Variants in NSUN4 observed in about 807,000 individuals in gnomAD.
NSUN4 encodes the protein 5-cytosine rRNA methyltransferase NSUN4.
NSUN4 carries 31 observed loss-of-function variants against 43.8 expected under a neutral mutation model. The observed-to-expected ratio is 0.71, with a 90% confidence interval of 0.53 to 0.96. The LOEUF (loss-of-function observed/expected upper bound fraction) is 0.96, where lower values mean the gene tolerates loss of function less well. Ranked by LOEUF, NSUN4 falls within the 40% of genes least tolerant of loss-of-function variation. The pLI, the probability that NSUN4 is intolerant of heterozygous loss-of-function variation, is 0.00. For missense variants in NSUN4, 439 were observed against 475.6 expected (o/e 0.92, Z 0.72); for synonymous variants, 167 against 184.1 (o/e 0.91, Z 0.75).
the NSUN4 span, among the ~76,000 whole-genome samples, chr1:46,379,509 G>T: frequency 6.6e-6 from 1 of 152,126 alleles, no homozygotes; most frequent in Non-Finnish European, 1.5e-5. Context: ...CAGCTACTTG[G>T]GTGGCTGAGA....
At chr1:46,341,232 C>G (rs1228906381) in intron 1 of NSUN4, 37 of 1,106,920 alleles carry the variant, frequency 3.3e-5, no homozygotes, top group Non-Finnish European at 4.1e-5. Flanking sequence ...TTCTGTCCCC[C>G]ACTCCCCCTT....
chr1:46,361,796 A>G lies in NSUN4; in HGVS notation c.1105A>G (p.Met369Val), dbSNP rs1663897124. The change falls in exon 6 of 6, where the codon ATG (methionine) becomes GTG (valine). Residue 369 changes from methionine to valine, a missense_variant. Transcript: ENST00000474844. ...TGGGGAGCTGGTAATACCAAACCTC[A>G]TGGCCAATTTTGGCCCCATGTACTT... ...QVGELVIPNL[M>V]ANFGPMYFCK... 2 of 1,613,958 alleles carry G rather than the reference A, an allele frequency of 1.2e-6. No homozygotes were observed. The highest frequency in any genetic ancestry group is 1.6e-4 in the Middle Eastern group (1 of 6,084).
At chr1:46,369,467 C>T (rs55670684), downstream of NSUN4, among the ~76,000 whole-genome samples, 31,429 of 152,082 alleles carry the variant, frequency 0.21, 3,983 homozygotes, top group Non-Finnish European at 0.29. Context: ...CAAGTAATTA[C>T]AAGTAAATTA....
At chr1:46,382,792 G>C in the NSUN4 span, among the ~76,000 whole-genome samples, 1 of 152,232 alleles carries the variant, frequency 6.6e-6, no homozygotes, top group South Asian at 2.1e-4. Context: ...TGTAGAGACA[G>C]GGTTTCACCA....
chr1:46,350,860 A>T (rs970243016), intron 3 of NSUN4, among the ~76,000 whole-genome samples: 1 of 152,192 alleles, frequency 6.6e-6, no homozygotes, highest in Non-Finnish European at 1.5e-5. Flanking sequence ...TAACTAGTAA[A>T]GCTCTAAGGC....
chr1:46,381,522 A>C, the NSUN4 span, among the ~76,000 whole-genome samples: 1 of 152,204 alleles, frequency 6.6e-6, no homozygotes, highest in African/African-American at 2.4e-5. Flanking sequence ...TAGAGAAGCC[A>C]TCATTTCAGC....
In NSUN4 at chr1:46,352,854, C is replaced by G; in HGVS notation, c.593-14C>G. 6.2e-7 allele frequency: 1 copy of G among 1,613,394 alleles called. No individual in the cohort carries two copies. The highest frequency in any genetic ancestry group is 1.1e-5 in the South Asian group (1 of 91,052). On this transcript the variant is annotated splice_polypyrimidine_tract_variant and intron_variant, in intron 3 of 5. Transcript: ENST00000474844. ...CATTGGGTCATGGCCTCTGAAGTAT[C>G]TTTATTTCCATAGGCAATCTTGCTG...
rs749795934 is a variant in NSUN4, at chr1:46,354,232, G to A, written c.753+1204G>A. Among the ~76,000 whole-genome samples the A allele has an allele frequency of 9.9e-5, 15 of 151,490 alleles. 1 individual carries two copies. Among genetic ancestry groups the A allele is most frequent in the East Asian group, 9.8e-4 (5 of 5,116 alleles). On this transcript the variant is annotated intron_variant, in intron 4 of 5. Coordinates refer to ENST00000474844, the MANE Select transcript of NSUN4 (RefSeq NM_199044.4). ...AGGGGTCCTCCTGCCTCAGTTTCCCGAGTAGCTGGGACTAGAGTGTGCCAC... is the reference window on the plus strand; with the variant it reads ...AGGGGTCCTCCTGCCTCAGTTTCCCAAGTAGCTGGGACTAGAGTGTGCCAC...
At chr1:46,367,695 C>A (rs1279168704), downstream of NSUN4, among the ~76,000 whole-genome samples, 3 of 151,876 alleles carry the variant, frequency 2.0e-5, no homozygotes, top group Non-Finnish European at 4.4e-5. Flanking sequence ...TCTTTTTAGT[C>A]CCATTTTATA....
At chr1:46,368,944 C>T (rs946607040), downstream of NSUN4, among the ~76,000 whole-genome samples, 1 of 152,176 alleles carries the variant, frequency 6.6e-6, no homozygotes, top group Non-Finnish European at 1.5e-5. Context: ...CAGACTTTTG[C>T]CCTGATCCCT....
intron 3 of NSUN4, among the ~76,000 whole-genome samples, chr1:46,352,260 T>C (rs1235883057): frequency 1.3e-5 from 2 of 151,674 alleles, no homozygotes; most frequent in Non-Finnish European, 2.9e-5. Flanking sequence ...AAGACCAGCC[T>C]GGCCAACATG....
At chr1:46,378,380 A>G in the NSUN4 span, among the ~76,000 whole-genome samples, 1 of 152,090 alleles carries the variant, frequency 6.6e-6, no homozygotes, top group African/African-American at 2.4e-5. Context: ...CATTTTTAGT[A>G]GAGACGAGGT....
In NSUN4 at chr1:46,363,306, C is replaced by T. The variant is rs1663993194; in HGVS notation, c.*1460C>T. On this transcript the variant is annotated 3_prime_UTR_variant, in exon 6 of 6. Transcript: ENST00000474844. Reference sequence around the variant, plus strand: ...GTGCTCTGAGTAGGACCGTAACCGCCTCCGTGCGTGGCATATGGTCCCTGC... The same window carrying T: ...GTGCTCTGAGTAGGACCGTAACCGCTTCCGTGCGTGGCATATGGTCCCTGC... 6.6e-6 allele frequency: 1 copy of T among 152,190 alleles called. No individual in the cohort carries two copies. Among genetic ancestry groups the T allele is most frequent in the Non-Finnish European group, 1.5e-5 (1 of 68,060 alleles). The allele number at this position is 152,190 out of a possible 1,614,324, so 9.4% of individuals were successfully genotyped here.
chr1:46,385,127 T>G, the NSUN4 span, among the ~76,000 whole-genome samples: 1 of 152,246 alleles, frequency 6.6e-6, no homozygotes, highest in African/African-American at 2.4e-5. Flanking sequence ...TTATACCAGA[T>G]AAACTAAATT....
In NSUN4 at chr1:46,361,940, C is replaced by T. The variant is rs375438089; in HGVS notation, c.*94C>T. Reference sequence around the variant, plus strand: ...GGGACCAGTGGCAGAGATGCACTCTCGGTCCTGTCTCCATCCTGTTCGTGT... The same window carrying T: ...GGGACCAGTGGCAGAGATGCACTCTTGGTCCTGTCTCCATCCTGTTCGTGT... On this transcript the variant is annotated 3_prime_UTR_variant, in exon 6 of 6. Transcript: ENST00000474844. 3.5e-4 allele frequency: 396 copies of T among 1,142,474 alleles called. 4 individuals carry two copies. The African/African-American group carries it at 4.8e-3, about 14-fold the overall frequency. The allele number at this position is 1,142,474 out of a possible 1,614,324, so 70.8% of individuals were successfully genotyped here. A position where few individuals can be genotyped will look rare whatever the true frequency, so the allele number is the denominator to read the frequency against.
chr1:46,373,177 C>T, the NSUN4 span, among the ~76,000 whole-genome samples: 4 of 152,162 alleles, frequency 2.6e-5, no homozygotes, highest in Non-Finnish European at 4.4e-5. Flanking sequence ...CAGACTTTCC[C>T]TAATCTTTTT....
At position 46,348,881 on chromosome 1, in the gene NSUN4, C is replaced by A. The variant is rs1467140318; in HGVS notation, c.592+1806C>A. Among the ~76,000 whole-genome samples, 3 of 129,066 alleles carry A rather than the reference C, an allele frequency of 2.3e-5. No homozygotes were observed. In the South Asian group the frequency reaches 7.4e-4, roughly 32 times the overall value. 84.7% of individuals were successfully genotyped at this position (129,066 alleles called of 152,430 possible). On this transcript the variant is annotated intron_variant, in intron 3 of 5. Coordinates refer to ENST00000474844, the MANE Select transcript of NSUN4 (RefSeq NM_199044.4). Reference sequence around the variant, plus strand: ...CCAAGCTGGAGTGCAGTGGCACGATCTTAGCTCAATACAACCTTCGCCTTC... The same window carrying A: ...CCAAGCTGGAGTGCAGTGGCACGATATTAGCTCAATACAACCTTCGCCTTC...
At chr1:46,353,092 G>C in intron 4 of NSUN4, 64 bp downstream of exon 4, 1 of 1,484,360 alleles carries the variant, frequency 6.7e-7, no homozygotes, top group Middle Eastern at 1.9e-4. Context: ...CTGGTTCTAG[G>C]GCCTGAGGGG....
At chr1:46,345,223 T>C (rs1662403906) in intron 2 of NSUN4, 79 bp downstream of exon 2, 23 of 1,050,630 alleles carry the variant, frequency 2.2e-5, no homozygotes, top group Non-Finnish European at 1.7e-5. Flanking sequence ...TTCTACCCTC[T>C]GTAATAAGGA....
Sources: gnomAD v4.1 joint callset for allele counts (sites outside exome capture counted in the v4.1 genomes callset) on GRCh38, gnomAD v4.1.1 for gene constraint, MANE v1.5 for transcripts, NCBI Gene and HGNC (gene_info 2026-07-23, HGNC 2026-07-21) for gene names.